Variants in NBPF19 observed in about 807,000 individuals in gnomAD.
NBPF19 encodes NBPF member 19.
In NBPF19, 30 loss-of-function variants were observed where a neutral mutation model predicts 45.9. That is an observed-to-expected ratio of 0.65 (90% CI 0.49 to 0.89). The LOEUF is 0.89. Among genes scored for constraint, NBPF19 ranks in the 40% least tolerant of loss-of-function variants. The probability of loss-of-function intolerance (pLI) is 0.00; values close to 1 mark genes in which losing one functional copy is unlikely to be tolerated. For synonymous variants in NBPF19, 183 were observed against 181.2 expected, an observed-to-expected ratio of 1.01 and a Z score of -0.08; for missense variants, 495 against 471.8, an observed-to-expected ratio of 1.05 and a Z score of -0.46.
intron 7 of NBPF19, among the ~76,000 whole-genome samples, chr1:149,483,569 C>T (rs1251928531): frequency 3.3e-5 from 5 of 150,068 alleles, no homozygotes; most frequent in East Asian, 1.9e-4. Flanking sequence ...TTGATCCTGT[C>T]GTTATGATGT....
chr1:149,488,213 G>C, intron 10 of NBPF19, 28 bp downstream of exon 10: 2 of 596,962 alleles, frequency 3.4e-6, no homozygotes, highest in Non-Finnish European at 3.0e-6. Context: ...AAGGTGATAA[G>C]GATCCACTGA....
intron 5 of NBPF19, among the ~76,000 whole-genome samples, 165 bp downstream of exon 5, chr1:149,480,379 TTCTC>T (rs2085104853): frequency 6.7e-6 from 1 of 148,570 alleles, no homozygotes; most frequent in East Asian, 2.0e-4. Flanking sequence ...GCTGTCATGT[TTCTC>T]TATGTGTGCT....
In NBPF19 at chr1:149,554,932, G is replaced by A; in HGVS notation, c.*194G>A. ...TGAAGACAATGGACCCACGTTAGGT[G>A]TGACACGTTCACATAACTGTGCAGC... On this transcript the variant is annotated 3_prime_UTR_variant, in exon 94 of 94. Transcript: ENST00000651566. 2 of 960,590 alleles carry A rather than the reference G, an allele frequency of 2.1e-6. No individual in the cohort carries two copies. The highest frequency in any genetic ancestry group is 3.1e-6 in the Non-Finnish European group (2 of 641,758). The allele number at this position is 960,590 out of a possible 1,614,324, so 59.5% of individuals were successfully genotyped here.
At chr1:149,479,772 GAGAA>G (rs1245190639) in intron 4 of NBPF19, among the ~76,000 whole-genome samples, 1 of 150,830 alleles carries the variant, frequency 6.6e-6, no homozygotes, top group Admixed American at 6.6e-5. Context: ...CCTCTCCTAA[GAGAA>G]AGAATGAGGT....
At chr1:149,483,541 A>G (rs2085331212) in intron 7 of NBPF19, among the ~76,000 whole-genome samples, 1 of 147,778 alleles carries the variant, frequency 6.8e-6, no homozygotes. Context: ...TTTAAGGTTA[A>G]TATTGTTATG....
At chr1:149,478,791 G>A (rs1191059031) in intron 3 of NBPF19, 89 bp from the exon 4 acceptor site, 2 of 1,317,382 alleles carry the variant, frequency 1.5e-6, no homozygotes, top group African/African-American at 2.9e-5. Context: ...GTCTCCTTGA[G>A]GACATTGTCT....
chr1:149,476,750 C>T (rs1354627156), intron 2 of NBPF19, among the ~76,000 whole-genome samples: 2 of 148,354 alleles, frequency 1.3e-5, no homozygotes, highest in African/African-American at 4.9e-5. Context: ...GCCTGGGCAA[C>T]ATGGAGAAAC....
At position 149,554,542 on chromosome 1, in the gene NBPF19, A is replaced by T. The variant is rs1394241985; in HGVS notation, c.11336A>T (p.Asp3779Val). 6.2e-7 allele frequency: 1 copy of T among 1,608,002 alleles called. No homozygotes were observed. Among genetic ancestry groups the T allele is most frequent in the Non-Finnish European group, 8.5e-7 (1 of 1,176,694 alleles). ...GTGGAAGAGCCTGAAGTCTTACAGG[A>T]CTCACTGGATGGATGTTATTCGACT... ...MEVEEPEVLQ[D>V]SLDGCYSTPS... The change falls in exon 94 of 94, where the codon GAC (aspartate) becomes GTC (valine). Residue 3779 changes from aspartate (D) to valine (V), a missense_variant. Transcript: ENST00000651566.
At chr1:149,528,945 CTGTG>C (rs1182341067) in intron 61 of NBPF19, among the ~76,000 whole-genome samples, 50 of 108,728 alleles carry the variant, frequency 4.6e-4, no homozygotes, top group African/African-American at 1.2e-3. Flanking sequence ...TTCTCTCTCT[CTGTG>C]TGTGTGTGTG....
Position 149,486,159 on chromosome 1 carries a change from T to G in NBPF19, c.854T>G (p.Val285Gly). The G allele has an allele frequency of 6.8e-6, 3 of 439,808 alleles. No homozygotes were observed. Among genetic ancestry groups the G allele is most frequent in the Non-Finnish European group, 7.7e-6 (2 of 259,146 alleles). 27.2% of individuals were successfully genotyped at this position (439,808 alleles called of 1,614,324 possible). A position where few individuals can be genotyped will look rare whatever the true frequency, so the allele number is the denominator to read the frequency against. ...CTGCAGGAGTCTGAAGAGGAGGAAG[T>G]CCCCCAGGAGTCCTGGGATGAAGGT... is the stretch of plus-strand genomic sequence containing the variant. ...RNLQESEEEE[V>G]PQESWDEGYS... Residue 285 changes from valine (V) to glycine (G), a missense_variant, in exon 8 of 94, where the codon GTC becomes GGC. Coordinates refer to ENST00000651566, the MANE Select transcript of NBPF19 (RefSeq NM_001351365.2).
In NBPF19 at chr1:149,487,320, A is replaced by G. The variant is rs1240818231; in HGVS notation, c.989-12A>G. On this transcript the variant is annotated splice_polypyrimidine_tract_variant and intron_variant, in intron 8 of 93. Coordinates refer to ENST00000651566, the MANE Select transcript of NBPF19 (RefSeq NM_001351365.2). ...ACTTAATGTAAGAGGGCCCATCTGA[A>G]TTTATTTGCAGGACATCGCTGGGAT... 6 of 1,562,338 alleles carry G rather than the reference A, an allele frequency of 3.8e-6. 1 individual carries two copies. The highest frequency in any genetic ancestry group is 1.7e-5 in the Admixed American group (1 of 59,812).
chr1:149,485,321 TGGA>T, intron 7 of NBPF19, among the ~76,000 whole-genome samples: 1 of 141,378 alleles, frequency 7.1e-6, no homozygotes, highest in Admixed American at 7.3e-5. Context: ...TGCGATCCTT[TGGA>T]GGAGAAGGGA....
chr1:149,492,543 C>CTCTCTG (rs2085884104), intron 15 of NBPF19, among the ~76,000 whole-genome samples: 5 of 125,978 alleles, frequency 4.0e-5, no homozygotes, highest in Non-Finnish European at 8.5e-5. Flanking sequence ...CTCTGTCTCT[C>CTCTCTG]TCTCTGTCTC....
chr1:149,554,133 G>A (rs2087133489), intron 93 of NBPF19, among the ~76,000 whole-genome samples: 1 of 140,288 alleles, frequency 7.1e-6, no homozygotes, highest in Non-Finnish European at 1.6e-5. Flanking sequence ...CGAATTTTGA[G>A]CATATTTTAT....
intron 13 of NBPF19, among the ~76,000 whole-genome samples, 161 bp from the exon 14 acceptor site, chr1:149,490,978 C>A (rs1376461865): frequency 1.6e-5 from 2 of 125,108 alleles, no homozygotes; most frequent in Non-Finnish European, 3.2e-5. Flanking sequence ...TCCATTTGGC[C>A]CTGTTCTGTC....
At chr1:149,487,786 T>G (rs1372694087) in intron 9 of NBPF19, among the ~76,000 whole-genome samples, 2 of 143,862 alleles carry the variant, frequency 1.4e-5, no homozygotes, top group Non-Finnish European at 3.1e-5. Flanking sequence ...TGTGTGTGTG[T>G]GTGTGTGTGT....
rs1244410134 is a variant in NBPF19, at chr1:149,487,402, G to A, written c.1040+19G>A. On this transcript the variant is annotated intron_variant, in intron 9 of 93. Transcript: ENST00000651566. ...GTCCCAGGTGAGTCTGAGAAATTGT[G>A]GACAGTTAATTTGATGTTGACACCT... 1.1e-5 allele frequency: 15 copies of A among 1,384,248 alleles called. 1 individual carries two copies. The highest frequency in any genetic ancestry group is 1.4e-5 in the Non-Finnish European group (14 of 985,266). The allele number at this position is 1,384,248 out of a possible 1,614,324, so 85.7% of individuals were successfully genotyped here.
At position 149,478,879 on chromosome 1, in the gene NBPF19, G is replaced by A. The variant is rs2085008219; in HGVS notation, c.279-1G>A. 4.4e-6 allele frequency: 7 copies of A among 1,602,826 alleles called. No individual in the cohort carries two copies. In the South Asian group the frequency reaches 4.4e-5, roughly 10 times the overall value. On this transcript the variant is annotated splice_acceptor_variant, in intron 3 of 93. Transcript: ENST00000651566. LOFTEE classifies it high-confidence loss of function. Reference sequence around the variant, plus strand: ...AAATTTTCTCTACCGTCTCACCTTAGGCAATATAAAGTCCTGTTTCACTCT... The same window carrying A: ...AAATTTTCTCTACCGTCTCACCTTAAGCAATATAAAGTCCTGTTTCACTCT...
In NBPF19 at chr1:149,487,422, A is replaced by C. The variant is rs1570981488; in HGVS notation, c.1040+39A>C. On this transcript the variant is annotated intron_variant, in intron 9 of 93. Transcript: ENST00000651566. ...ATTGTGGACAGTTAATTTGATGTTG[A>C]CACCTGGAGATGCCAAGTCCAGGGA... 8.4e-6 allele frequency: 9 copies of C among 1,065,800 alleles called. No individual in the cohort carries two copies. The East Asian group carries it at 2.1e-4, about 25-fold the overall frequency. The allele number at this position is 1,065,800 out of a possible 1,614,324, so 66.0% of individuals were successfully genotyped here. A position where few individuals can be genotyped will look rare whatever the true frequency, so the allele number is the denominator to read the frequency against.
Sources: allele counts gnomAD v4.1 joint callset (sites outside exome capture counted in the v4.1 genomes callset), GRCh38; gene constraint gnomAD v4.1.1; transcripts MANE v1.5; gene names NCBI Gene and HGNC (gene_info 2026-07-23, HGNC 2026-07-21).